Variants in PKHD1L1 observed in about 807,000 individuals in gnomAD.
The protein encoded by PKHD1L1 is fibrocystin-L.
PKHD1L1 carries 434 observed loss-of-function variants against 462.9 expected under a neutral mutation model. The ratio of observed to expected loss-of-function variants is 0.94; its 90% confidence interval spans 0.87 to 1.02. PKHD1L1 has a LOEUF of 1.02. Among genes scored for constraint, PKHD1L1 ranks in the 50% least tolerant of loss-of-function variants. The probability of loss-of-function intolerance (pLI) is 0.00; values close to 1 mark genes in which losing one functional copy is unlikely to be tolerated. For synonymous variants in PKHD1L1, 1,781 were observed against 1,750.0 expected (o/e 1.02, Z -0.44); for missense variants, 5,202 against 5,096.1 (o/e 1.02, Z -0.63).
At position 109,462,730 on chromosome 8, in the gene PKHD1L1, C is replaced by T. The variant is rs191391070; in HGVS notation, c.7383+822C>T. On this transcript the variant is annotated intron_variant, in intron 48 of 77. Coordinates refer to ENST00000378402, the MANE Select transcript of PKHD1L1 (RefSeq NM_177531.6). ...CTAATTTTTGTATTTTTAGTAGAGA[C>T]GGAGTTTCACCATGTTGGCCAGAAT... is the stretch of plus-strand genomic sequence containing the variant. Among the ~76,000 whole-genome samples the T allele has an allele frequency of 8.5e-5, 13 of 152,086 alleles. No homozygotes were observed. The East Asian group carries it at 2.1e-3, about 25-fold the overall frequency.
At chr8:109,469,320 A>G (rs1586578462) in intron 50 of PKHD1L1, among the ~76,000 whole-genome samples, 2 of 152,124 alleles carry the variant, frequency 1.3e-5, no homozygotes, top group African/African-American at 4.8e-5. Flanking sequence ...GAACAGTTAC[A>G]TGGACCCAGA....
rs762077110 is a variant in PKHD1L1, at chr8:109,464,272, G to T, written c.7440G>T (p.Leu2480=). The T allele has an allele frequency of 1.9e-6, 3 of 1,612,440 alleles. 1 individual carries two copies. The South Asian group carries it at 3.3e-5, about 18-fold the overall frequency. Residue 2480 remains leucine, a synonymous_variant, in exon 49 of 78, where the codon CTG becomes CTT. Coordinates refer to ENST00000378402, the MANE Select transcript of PKHD1L1 (RefSeq NM_177531.6). ...RLGRYPIHWH[L]LGDLQFKSYV... ...GGCGATATCCAATACATTGGCACCT[G>T]CTTGGAGACTTACAGTTTAAATCTT... is the stretch of plus-strand genomic sequence containing the variant.
At position 109,508,408 on chromosome 8, in the gene PKHD1L1, C is replaced by A. The variant is rs891443551; in HGVS notation, c.11395+144C>A. 13 of 801,580 alleles carry A rather than the reference C, an allele frequency of 1.6e-5. No individual in the cohort carries two copies. The African/African-American group carries it at 1.9e-4, about 12-fold the overall frequency. The allele number at this position is 801,580 out of a possible 1,614,324, so 49.7% of individuals were successfully genotyped here. On this transcript the variant is annotated intron_variant, in intron 70 of 77. Transcript: ENST00000378402. ...CTTCCATTTGTAACAATGAGCAATG[C>A]GCAGGGGAGAGACTTGATCCTGCAG...
intron 9 of PKHD1L1, among the ~76,000 whole-genome samples, chr8:109,392,448 A>T (rs1812755705): frequency 6.6e-6 from 1 of 152,146 alleles, no homozygotes; most frequent in South Asian, 2.1e-4. Flanking sequence ...AAGCAAAAAT[A>T]CTGCATTAAA....
chr8:109,412,473 T>G, intron 20 of PKHD1L1, 59 bp downstream of exon 20: 1 of 1,472,294 alleles, frequency 6.8e-7, no homozygotes, highest in Non-Finnish European at 9.1e-7. Context: ...TAATAAAATT[T>G]CATGAAATTT....
At chr8:109,402,563 G>T (rs140634985) in intron 14 of PKHD1L1, among the ~76,000 whole-genome samples, 3 of 152,180 alleles carry the variant, frequency 2.0e-5, no homozygotes, top group Non-Finnish European at 4.4e-5. Context: ...GTTGATAGGT[G>T]CAGTAAAGAG....
chr8:109,440,339 A>G (rs376096089), intron 32 of PKHD1L1, among the ~76,000 whole-genome samples: 1 of 152,146 alleles, frequency 6.6e-6, no homozygotes, highest in Admixed American at 6.5e-5. Context: ...TTTAATTGCT[A>G]GTTTTAAAGC....
Position 109,486,766 on chromosome 8 carries a change from T to C in PKHD1L1, c.9825T>C (p.Ser3275=). 1 of 1,612,458 alleles carries C rather than the reference T, an allele frequency of 6.2e-7. No individual in the cohort carries two copies. The highest frequency in any genetic ancestry group is 8.5e-7 in the Non-Finnish European group (1 of 1,178,840). Residue 3275 remains serine (S), a synonymous_variant, in exon 59 of 78, where the codon TCT becomes TCC. Coordinates refer to ENST00000378402, the MANE Select transcript of PKHD1L1 (RefSeq NM_177531.6). ...ATTACCCCGGTTGGTCTGAGGACTC[T>C]TTTGGAGCACGCGTACTGGTTGGCT... ...GEDYPGWSED[S]FGARVLVGSF...
rs1563542989 is a variant in PKHD1L1 at position 109,439,091 on chromosome 8, AG to A, written c.3956+1del. 1.2e-6 allele frequency: 2 copies of A among 1,611,690 alleles called. No individual in the cohort carries two copies. Among genetic ancestry groups the A allele is most frequent in the Non-Finnish European group, 1.7e-6 (2 of 1,178,588 alleles). ...CAGAAACTGGGGTTTTGCATCAACA[AG>A]GTATGATAATGAACATAAACTTGAT... ...EVRNWGFASTRDKLNSSIQYV... is the reference protein window; with the variant it reads ...EVRNWGFASTXDKLNSSIQYV... On this transcript the variant is annotated frameshift_variant and splice_region_variant, in exon 32 of 78. Transcript: ENST00000378402. LOFTEE classifies it high-confidence loss of function.
At chr8:109,384,040 G>A (rs1812303354) in intron 4 of PKHD1L1, 30 bp from the exon 5 acceptor site, 1 of 1,459,754 alleles carries the variant, frequency 6.9e-7, no homozygotes. Flanking sequence ...ACAGAGATAA[G>A]TTTTCATATT....
rs1220775492 is a variant in PKHD1L1 at position 109,475,129 on chromosome 8, A to AT, written c.8619dup (p.Pro2874SerfsTer24). 1.2e-6 allele frequency: 2 copies of AT among 1,609,030 alleles called. No homozygotes were observed. The highest frequency in any genetic ancestry group is 1.1e-5 in the South Asian group (1 of 90,320). Reference sequence around the variant, plus strand: ...ATGTTCTCCTATAGGCACAAGCATTATTCCATTTCAGAAGAAACGACTGAC... The same window carrying AT: ...ATGTTCTCCTATAGGCACAAGCATTATTTCCATTTCAGAAGAAACGACTGAC... On this transcript the variant is annotated frameshift_variant, in exon 51 of 78. Coordinates refer to ENST00000378402, the MANE Select transcript of PKHD1L1 (RefSeq NM_177531.6). LOFTEE classifies it high-confidence loss of function.
At chr8:109,468,927 T>C (rs772365752) in intron 50 of PKHD1L1, among the ~76,000 whole-genome samples, 14 of 152,170 alleles carry the variant, frequency 9.2e-5, no homozygotes, top group Non-Finnish European at 1.5e-5. Context: ...TAATTTGAGT[T>C]AGACTTCTGC....
intron 40 of PKHD1L1, 101 bp downstream of exon 40, chr8:109,449,588 TAAATCA>T: frequency 9.3e-7 from 1 of 1,076,548 alleles, no homozygotes; most frequent in Non-Finnish European, 1.3e-6. Flanking sequence ...TTGGAGTAAT[TAAATCA>T]CTTTATGACT....
In PKHD1L1 at chr8:109,405,131, G is replaced by T; in HGVS notation, c.1669+1G>T. ...TTAATCTATAATATGGAAAAAACTG[G>T]TAAGTTATAAATAATAAGGGAGATA... is the stretch of plus-strand genomic sequence containing the variant. On this transcript the variant is annotated splice_donor_variant, in intron 16 of 77. Coordinates refer to ENST00000378402, the MANE Select transcript of PKHD1L1 (RefSeq NM_177531.6). LOFTEE classifies it high-confidence loss of function. The T allele has an allele frequency of 7.0e-7, 1 of 1,438,254 alleles. No homozygotes were observed. The highest frequency in any genetic ancestry group is 9.5e-7 in the Non-Finnish European group (1 of 1,049,960). 89.1% of individuals were successfully genotyped at this position (1,438,254 alleles called of 1,614,324 possible).
chr8:109,362,687 G>A (rs1475400835), intron 1 of PKHD1L1, 34 bp downstream of exon 1: 2 of 1,563,804 alleles, frequency 1.3e-6, no homozygotes, highest in African/African-American at 2.7e-5. Context: ...AGGCAAGCAG[G>A]AGAGGCCCGC....
In PKHD1L1 at chr8:109,381,358, T is replaced by C. The variant is rs1812102968; in HGVS notation, c.164-12T>C. ...TACCATTAATAATAATTAAGTCTTC[T>C]TACTTTTCCAGGTTTTTCTCAAGCA... On this transcript the variant is annotated splice_polypyrimidine_tract_variant and intron_variant, in intron 2 of 77. Transcript: ENST00000378402. 6 of 1,554,034 alleles carry C rather than the reference T, an allele frequency of 3.9e-6. No homozygotes were observed. The highest frequency in any genetic ancestry group is 5.2e-6 in the Non-Finnish European group (6 of 1,146,532).
intron 58 of PKHD1L1, among the ~76,000 whole-genome samples, chr8:109,486,410 A>T (rs1179533438): frequency 6.6e-6 from 1 of 152,028 alleles, no homozygotes; most frequent in Non-Finnish European, 1.5e-5. Flanking sequence ...ATACTTGCTG[A>T]TTATAATAAT....
intron 21 of PKHD1L1, among the ~76,000 whole-genome samples, chr8:109,418,432 T>C (rs1814295982): frequency 6.6e-6 from 1 of 152,196 alleles, no homozygotes; most frequent in African/African-American, 2.4e-5. Flanking sequence ...GATGAAAGAT[T>C]ATTGTTAAAC....
intron 14 of PKHD1L1, among the ~76,000 whole-genome samples, chr8:109,402,828 A>T (rs1813341120): frequency 6.6e-6 from 1 of 152,140 alleles, no homozygotes; most frequent in African/African-American, 2.4e-5. Context: ...GGAACCTGGG[A>T]GCAAATTAAT....
Sources: allele counts gnomAD v4.1 joint callset (sites outside exome capture counted in the v4.1 genomes callset), GRCh38; gene constraint gnomAD v4.1.1; transcripts MANE v1.5; gene names NCBI Gene and HGNC (gene_info 2026-07-23, HGNC 2026-07-21).